The following NALCN variants were observed in gnomAD, a reference collection of about 807,000 sequenced individuals.
NALCN encodes sodium leak channel, non-selective.
In NALCN, 111 loss-of-function variants were observed where a neutral mutation model predicts 225.3. The observed-to-expected ratio is 0.49, with a 90% CI of 0.42 to 0.58. The LOEUF is 0.58. Among genes scored for constraint, NALCN ranks in the 20% least tolerant of loss-of-function variants. The pLI is 0.00. For synonymous variants in NALCN, 764 were observed against 769.0 expected (o/e 0.99, Z 0.11); for missense variants, 1,378 against 2,202.4 (o/e 0.63, Z 7.49).
intron 4 of NALCN, among the ~76,000 whole-genome samples, chr13:101,377,518 G>T (rs2139422805): frequency 6.6e-6 from 1 of 152,098 alleles, no homozygotes; most frequent in East Asian, 1.9e-4. Context: ...AAATGGAAAA[G>T]AACACATTAA....
At chr13:101,162,005 G>T (rs1335004478) in intron 15 of NALCN, among the ~76,000 whole-genome samples, 3 of 152,148 alleles carry the variant, frequency 2.0e-5, no homozygotes, top group Non-Finnish European at 4.4e-5. Context: ...CATTCTGGGT[G>T]CACAGAGGCT....
chr13:101,346,085 CTCTATA>C (rs1272059369), intron 6 of NALCN, among the ~76,000 whole-genome samples: 124 of 80,380 alleles, frequency 1.5e-3, no homozygotes, highest in African/African-American at 5.6e-3. Context: ...CTCTCTCTCT[CTCTATA>C]TATATATATA....
intron 7 of NALCN, among the ~76,000 whole-genome samples, chr13:101,308,251 G>T: frequency 6.6e-6 from 1 of 152,188 alleles, no homozygotes; most frequent in East Asian, 1.9e-4. Context: ...TGGGCGCATG[G>T]CTGCTCAGTG....
chr13:101,226,034 C>T (rs188719112), intron 13 of NALCN, among the ~76,000 whole-genome samples: 10 of 152,154 alleles, frequency 6.6e-5, no homozygotes, highest in African/African-American at 1.9e-4. Context: ...AATATACCAC[C>T]CCTCTTCCTT....
chr13:101,395,006 A>G (rs2047246882), intron 3 of NALCN, among the ~76,000 whole-genome samples, 177 bp downstream of exon 3: 1 of 152,228 alleles, frequency 6.6e-6, no homozygotes, highest in Non-Finnish European at 1.5e-5. Context: ...CTTTTAAAAT[A>G]GTCTCATGCA....
Position 101,212,519 on chromosome 13 carries a change from C to A in NALCN, c.1626+16874G>T, listed in dbSNP as rs2040563299. Among the ~76,000 whole-genome samples the A allele has an allele frequency of 3.3e-5, 5 of 152,074 alleles. No homozygotes were observed. In the South Asian group the frequency reaches 8.3e-4, roughly 25 times the overall value. On this transcript the variant is annotated intron_variant, in intron 13 of 43. Coordinates refer to ENST00000251127, the MANE Select transcript of NALCN (RefSeq NM_052867.4). ...AAAGAGGGCAGTGAGTACATTTGTT[C>A]ATGTCGGTATGCTTCCTAGCTGTGT...
chr13:101,316,756 A>G (rs906038032), intron 7 of NALCN, among the ~76,000 whole-genome samples: 1 of 152,158 alleles, frequency 6.6e-6, no homozygotes, highest in Non-Finnish European at 1.5e-5. Context: ...TTGCTTTTCA[A>G]ATGTTCCAAA....
In NALCN at chr13:101,361,012, C is replaced by G. The variant is rs192067903; in HGVS notation, c.645-15592G>C. Among the ~76,000 whole-genome samples, 841 of 152,214 alleles carry G rather than the reference C, an allele frequency of 5.5e-3. 7 individuals are homozygous for G. In the Middle Eastern group the frequency reaches 0.061, roughly 11 times the overall value. On this transcript the variant is annotated intron_variant, in intron 6 of 43. Transcript: ENST00000251127. ...TTAATTGCAAAACTAAAATTTTAAA[C>G]GATTGATTTCTAACCTGGCCAATTC... is the stretch of plus-strand genomic sequence containing the variant.
At chr13:101,181,847 T>C (rs2139965006) in intron 14 of NALCN, among the ~76,000 whole-genome samples, 1 of 152,232 alleles carries the variant, frequency 6.6e-6, no homozygotes, top group South Asian at 2.1e-4. Flanking sequence ...TATATAATGT[T>C]TTCTAGCCGG....
At chr13:101,277,634 T>C (rs531158863) in intron 10 of NALCN, among the ~76,000 whole-genome samples, 1 of 152,360 alleles carries the variant, frequency 6.6e-6, no homozygotes, top group African/African-American at 2.4e-5. Context: ...CAGGGTGCTT[T>C]TAAAATGCCT....
At chr13:101,191,658 T>C (rs1259031949) in intron 14 of NALCN, among the ~76,000 whole-genome samples, 2 of 152,190 alleles carry the variant, frequency 1.3e-5, no homozygotes, top group Non-Finnish European at 2.9e-5. Context: ...GGTATGTAAA[T>C]GTGAGATTTT....
intron 13 of NALCN, among the ~76,000 whole-genome samples, chr13:101,221,059 C>G (rs562694042): frequency 6.6e-6 from 1 of 152,232 alleles, no homozygotes; most frequent in South Asian, 2.1e-4. Context: ...GAAGTACAGA[C>G]TCTTAAATGC....
chr13:101,196,016 C>T (rs1431907397), intron 13 of NALCN, among the ~76,000 whole-genome samples: 4 of 152,138 alleles, frequency 2.6e-5, no homozygotes, highest in Non-Finnish European at 5.9e-5. Context: ...ACATTGCTCA[C>T]TCTTGGGCCA....
Position 101,061,955 on chromosome 13 carries a change from G to A in NALCN, c.4755+13C>T. 6.2e-7 allele frequency: 1 copy of A among 1,610,688 alleles called. No individual in the cohort carries two copies. The highest frequency in any genetic ancestry group is 8.5e-7 in the Non-Finnish European group (1 of 1,178,526). On this transcript the variant is annotated intron_variant, in intron 41 of 43. Transcript: ENST00000251127. The stretch of plus-strand genomic sequence containing the variant: ...GGGCGGGGACCCAACCTGCATGTGT[G>A]CAGTTCACTCACAGCTCTGATGCGC...
At chr13:101,116,557 G>C in intron 18 of NALCN, 1 of 515,822 alleles carries the variant, frequency 1.9e-6, no homozygotes, top group South Asian at 1.4e-5. Context: ...CTTTCTTAAT[G>C]TCCCAGAACA....
At chr13:101,222,709 C>T (rs188802517) in intron 13 of NALCN, among the ~76,000 whole-genome samples, 1 of 152,312 alleles carries the variant, frequency 6.6e-6, no homozygotes, top group Admixed American at 6.5e-5. Flanking sequence ...TACCAAAAAA[C>T]ACACAAGTTA....
At chr13:101,302,683 A>G (rs185514285) in intron 7 of NALCN, among the ~76,000 whole-genome samples, 21 of 152,322 alleles carry the variant, frequency 1.4e-4, no homozygotes, top group Admixed American at 3.9e-4. Flanking sequence ...ATTACAACTT[A>G]ATGGTTAAAA....
chr13:101,121,572 G>A (rs663156), intron 18 of NALCN, among the ~76,000 whole-genome samples: 33,363 of 151,950 alleles, frequency 0.22, 4,048 homozygotes, highest in East Asian at 0.4. Flanking sequence ...TAAGACTAAA[G>A]ACAATAATTC....
rs1346508106 is a variant in NALCN, at chr13:101,135,565, C to CT, written c.2118+7514dup. Among the ~76,000 whole-genome samples, 7 of 151,958 alleles carry CT rather than the reference C, an allele frequency of 4.6e-5. No individual in the cohort carries two copies. The East Asian group carries it at 5.8e-4, about 13-fold the overall frequency. Reference sequence around the variant, plus strand: ...AGTTGTGTGCCACCATGCTCAGCTACTTTTTTTTAGTAGAGATGGGGTTTC... The same window carrying CT: ...AGTTGTGTGCCACCATGCTCAGCTACTTTTTTTTTAGTAGAGATGGGGTTTC... On this transcript the variant is annotated intron_variant, in intron 17 of 43. Transcript: ENST00000251127.
Sources: allele counts gnomAD v4.1 joint callset (sites outside exome capture counted in the v4.1 genomes callset), GRCh38; gene constraint gnomAD v4.1.1; transcripts MANE v1.5; gene names NCBI Gene and HGNC (gene_info 2026-07-23, HGNC 2026-07-21).